PHF14: variants seen among roughly 807,000 people sequenced by gnomAD.
The protein encoded by PHF14 is PHD finger protein 14.
Under a neutral mutation model 117.9 loss-of-function variants are expected in PHF14, and 55 were observed. The ratio of observed to expected loss-of-function variants is 0.47; its 90% CI spans 0.38 to 0.58. The LOEUF is 0.58. Ranked by LOEUF, PHF14 falls within the 20% of genes least tolerant of loss-of-function variation. The pLI is 0.00. For missense variants in PHF14, 978 were observed against 1,122.2 expected, an observed-to-expected ratio of 0.87 and a Z score of 1.84; for synonymous variants, 409 against 368.6, an observed-to-expected ratio of 1.11 and a Z score of -1.26.
At chr7:11,020,963 T>C (rs1182306184) in intron 5 of PHF14, among the ~76,000 whole-genome samples, 2 of 152,200 alleles carry the variant, frequency 1.3e-5, no homozygotes, top group Non-Finnish European at 2.9e-5. Flanking sequence ...ACACTTATAA[T>C]TGATTACTGA....
intron 17 of PHF14, among the ~76,000 whole-genome samples, chr7:11,122,598 T>G (rs1360033288): frequency 6.6e-6 from 1 of 151,732 alleles, no homozygotes; most frequent in Non-Finnish European, 1.5e-5. Context: ...ATATACTTCC[T>G]TAATCATAGC....
chr7:11,101,611 ACTTT>A (rs1265386424), intron 16 of PHF14, among the ~76,000 whole-genome samples: 1 of 151,742 alleles, frequency 6.6e-6, no homozygotes. Flanking sequence ...TTTTGTTTTT[ACTTT>A]CTTTGGAGGT....
At chr7:11,006,819 T>A in intron 4 of PHF14, 4 of 785,592 alleles carry the variant, frequency 5.1e-6, no homozygotes, top group Non-Finnish European at 8.7e-6. Context: ...GCCTTCGGTT[T>A]GGCTTCAGCT....
intron 14 of PHF14, among the ~76,000 whole-genome samples, chr7:11,059,833 T>C (rs1250947893): frequency 2.0e-5 from 3 of 152,050 alleles, no homozygotes; most frequent in Non-Finnish European, 4.4e-5. Flanking sequence ...GAGTACCAAA[T>C]TAGGGAAAAA....
intron 16 of PHF14, chr7:11,106,563 G>A: frequency 1.0e-6 from 1 of 983,576 alleles, no homozygotes; most frequent in Non-Finnish European, 1.2e-6. Flanking sequence ...TATTTGTAAA[G>A]TGATTTAACT....
At chr7:10,978,573 AT>A (rs1408038314) in intron 2 of PHF14, among the ~76,000 whole-genome samples, 5 of 152,188 alleles carry the variant, frequency 3.3e-5, no homozygotes, top group Non-Finnish European at 7.3e-5. Flanking sequence ...ATAAGGTCAA[AT>A]TGTGGCTGTA....
chr7:11,117,298 G>C (rs1039426737), intron 17 of PHF14, among the ~76,000 whole-genome samples: 2 of 151,770 alleles, frequency 1.3e-5, no homozygotes, highest in African/African-American at 4.8e-5. Context: ...TTAGCTTGGA[G>C]ACTTCTATTT....
At chr7:11,113,931 G>T (rs1481702504) in intron 17 of PHF14, among the ~76,000 whole-genome samples, 1 of 152,090 alleles carries the variant, frequency 6.6e-6, no homozygotes, top group Non-Finnish European at 1.5e-5. Context: ...GGGCTTAAAA[G>T]AAACCCAGAA....
intron 4 of PHF14, among the ~76,000 whole-genome samples, chr7:10,998,880 C>G (rs1379074198): frequency 6.6e-6 from 1 of 152,152 alleles, no homozygotes; most frequent in Admixed American, 6.5e-5. Context: ...TTAAGTCATT[C>G]TTAGGTCTAC....
At chr7:11,165,827 A>G (rs1409263761) in intron 17 of PHF14, among the ~76,000 whole-genome samples, 1 of 152,208 alleles carries the variant, frequency 6.6e-6, no homozygotes, top group East Asian at 1.9e-4. Flanking sequence ...TTTAAGCAAA[A>G]TCTTGCAAGT....
chr7:11,016,693 G>A (rs1021779590), intron 5 of PHF14, among the ~76,000 whole-genome samples: 1 of 152,030 alleles, frequency 6.6e-6, no homozygotes, highest in Non-Finnish European at 1.5e-5. Context: ...AGCACATCAT[G>A]GAGAATGGGG....
chr7:11,139,348 T>C (rs1226034487), intron 17 of PHF14, among the ~76,000 whole-genome samples: 2 of 152,198 alleles, frequency 1.3e-5, no homozygotes, highest in Non-Finnish European at 1.5e-5. Context: ...CACCTGTTTC[T>C]TCTGCTATTT....
chr7:11,166,905 T>C (rs1431413153), intron 17 of PHF14, among the ~76,000 whole-genome samples: 2 of 152,086 alleles, frequency 1.3e-5, no homozygotes, highest in African/African-American at 4.8e-5. Flanking sequence ...TTATAAACTG[T>C]ACTTTATTTC....
intron 13 of PHF14, among the ~76,000 whole-genome samples, chr7:11,047,099 C>T (rs1278566948): frequency 1.3e-5 from 2 of 150,358 alleles, no homozygotes; most frequent in East Asian, 2.0e-4. Context: ...GATGGAGTCT[C>T]GCTCTGTCAC....
At chr7:11,127,682 G>GT (rs1173336152) in intron 17 of PHF14, among the ~76,000 whole-genome samples, 1 of 152,044 alleles carries the variant, frequency 6.6e-6, no homozygotes, top group Admixed American at 6.6e-5. Context: ...TTACTCTCCA[G>GT]TTTCACCTTT....
intron 16 of PHF14, among the ~76,000 whole-genome samples, chr7:11,099,108 T>C (rs769451375): frequency 6.6e-6 from 1 of 152,146 alleles, no homozygotes; most frequent in Non-Finnish European, 1.5e-5. Context: ...ACTGAATTTT[T>C]CTTATTAAGG....
At chr7:11,164,741 A>G (rs745951744) in intron 17 of PHF14, among the ~76,000 whole-genome samples, 13 of 152,186 alleles carry the variant, frequency 8.5e-5, no homozygotes, top group South Asian at 2.1e-4. Flanking sequence ...CCATAGTACA[A>G]TTATTGAAAC....
intron 16 of PHF14, among the ~76,000 whole-genome samples, chr7:11,087,406 G>A (rs956219748): frequency 2.0e-5 from 3 of 152,060 alleles, no homozygotes; most frequent in Non-Finnish European, 4.4e-5. Flanking sequence ...TGGCCATACT[G>A]GTCTCGAACT....
intron 17 of PHF14, among the ~76,000 whole-genome samples, chr7:11,158,815 A>G (rs1182665294): frequency 1.3e-5 from 2 of 152,126 alleles, no homozygotes; most frequent in African/African-American, 4.8e-5. Context: ...AAGTCCATCT[A>G]TGAATTTGAC....
Sources: gnomAD v4.1 joint callset for allele counts (sites outside exome capture counted in the v4.1 genomes callset) on GRCh38, gnomAD v4.1.1 for gene constraint, MANE v1.5 for transcripts, NCBI Gene and HGNC (gene_info 2026-07-23, HGNC 2026-07-21) for gene names.